The following MARCHF1 variants were observed in gnomAD, a reference collection of about 807,000 sequenced individuals.
The protein encoded by MARCHF1 is membrane associated ring-CH-type finger 1.
A neutral mutation model predicts 54.2 loss-of-function variants in MARCHF1; 40 were observed. The ratio of observed to expected loss-of-function variants is 0.74; its 90% CI spans 0.57 to 0.96. The LOEUF (loss-of-function observed/expected upper bound fraction) is 0.96, where lower values mean the gene tolerates loss of function less well. Among genes scored for constraint, MARCHF1 ranks in the 40% least tolerant of loss-of-function variants. The pLI is 0.00. For missense variants in MARCHF1, 586 were observed against 656.5 expected (o/e 0.89, Z 1.17); for synonymous variants, 236 against 236.3 (o/e 1.00, Z 0.01).
intron 8 of MARCHF1, among the ~76,000 whole-genome samples, chr4:163,558,969 T>A (rs1338717603): frequency 6.6e-6 from 1 of 152,184 alleles, no homozygotes; most frequent in Non-Finnish European, 1.5e-5. Flanking sequence ...CCCTTTTCAC[T>A]TCCTCTCCTC....
chr4:163,766,136 C>A (rs1045861946), intron 4 of MARCHF1, among the ~76,000 whole-genome samples: 3 of 151,736 alleles, frequency 2.0e-5, no homozygotes, highest in Non-Finnish European at 4.4e-5. Flanking sequence ...TAAAATACCC[C>A]TAAATGGTAT....
intron 3 of MARCHF1, among the ~76,000 whole-genome samples, chr4:163,918,613 A>G (rs1477477745): frequency 2.6e-5 from 4 of 152,158 alleles, no homozygotes; most frequent in Admixed American, 2.0e-4. Context: ...CTTTATAATT[A>G]CGAGCATTTC....
At chr4:163,562,809 A>C (rs938345044) in intron 8 of MARCHF1, among the ~76,000 whole-genome samples, 5 of 152,136 alleles carry the variant, frequency 3.3e-5, no homozygotes, top group African/African-American at 9.7e-5. Flanking sequence ...TGTTCTTCCC[A>C]GTTAATAATT....
At chr4:164,092,517 T>C (rs777232617) in intron 2 of MARCHF1, among the ~76,000 whole-genome samples, 2 of 152,122 alleles carry the variant, frequency 1.3e-5, no homozygotes, top group Non-Finnish European at 2.9e-5. Context: ...GTTTATAAGC[T>C]GTCTATTCTA....
At chr4:163,868,608 C>T (rs186180828) in intron 3 of MARCHF1, among the ~76,000 whole-genome samples, 1 of 152,002 alleles carries the variant, frequency 6.6e-6, no homozygotes, top group Admixed American at 6.6e-5. Context: ...TATACCCATA[C>T]ATACAAATGT....
intron 2 of MARCHF1, among the ~76,000 whole-genome samples, chr4:164,087,522 G>A (rs550522959): frequency 6.6e-6 from 1 of 152,104 alleles, no homozygotes; most frequent in Non-Finnish European, 1.5e-5. Flanking sequence ...ATAGATTAGA[G>A]TAGACTCTCA....
chr4:163,791,287 T>C (rs1244528574), intron 4 of MARCHF1, among the ~76,000 whole-genome samples: 1 of 152,158 alleles, frequency 6.6e-6, no homozygotes, highest in African/African-American at 2.4e-5. Context: ...TTCTATTATA[T>C]ATGGGTTTTC....
Position 164,176,972 on chromosome 4 carries a change from CTCTCTCTCTATATATATATAT to C in MARCHF1, c.-322-65331_-322-65311del, listed in dbSNP as rs1730696310. ...TCTCTCTCTCTCTCTCTCTCTCTCT[CTCTCTCTCTATATATATATAT>C]ATATATATATATATATACAAATGAT... On this transcript the variant is annotated intron_variant, in intron 1 of 9. Transcript: ENST00000514618. 8.8e-5 allele frequency among the ~76,000 whole-genome samples: 5 copies of C among 56,834 alleles called. 1 individual carries two copies. The highest frequency in any genetic ancestry group is 1.0e-3 in the East Asian group (2 of 1,986). 37.3% of individuals were successfully genotyped at this position (56,834 alleles called of 152,430 possible). A position where few individuals can be genotyped will look rare whatever the true frequency, so the allele number is the denominator to read the frequency against.
intron 9 of MARCHF1, among the ~76,000 whole-genome samples, chr4:163,529,490 C>T (rs1296752930): frequency 2.6e-5 from 4 of 151,872 alleles, no homozygotes; most frequent in African/African-American, 9.7e-5. Context: ...CAGGTCTTCC[C>T]ACCCTCATTT....
At chr4:163,852,408 T>C (rs150513410) in intron 4 of MARCHF1, among the ~76,000 whole-genome samples, 1 of 152,206 alleles carries the variant, frequency 6.6e-6, no homozygotes, top group Non-Finnish European at 1.5e-5. Flanking sequence ...AATTTTTTCT[T>C]ACTTAAAAAT....
intron 3 of MARCHF1, among the ~76,000 whole-genome samples, chr4:163,915,917 AC>A (rs1256029862): frequency 2.0e-5 from 3 of 152,128 alleles, no homozygotes; most frequent in Non-Finnish European, 4.4e-5. Flanking sequence ...GTGGCTTGAT[AC>A]AAAAACCTTC....
intron 4 of MARCHF1, among the ~76,000 whole-genome samples, chr4:163,707,835 T>C (rs888550280): frequency 4.8e-4 from 72 of 148,832 alleles, no homozygotes; most frequent in African/African-American, 1.7e-3. Flanking sequence ...GATGGGACAG[T>C]TGTTAAGTTA....
chr4:164,103,961 C>G (rs1417710171), intron 2 of MARCHF1, among the ~76,000 whole-genome samples: 10 of 150,786 alleles, frequency 6.6e-5, no homozygotes, highest in African/African-American at 1.7e-4. Context: ...GAAATACAAA[C>G]TACCATCAGG....
At chr4:164,334,919 G>A (rs1729691399) in intron 1 of MARCHF1, among the ~76,000 whole-genome samples, 1 of 152,140 alleles carries the variant, frequency 6.6e-6, no homozygotes, top group African/African-American at 2.4e-5. Context: ...GACCTCAGAG[G>A]AGCAAGTAAC....
intron 4 of MARCHF1, among the ~76,000 whole-genome samples, chr4:163,780,330 G>T (rs1394818399): frequency 6.6e-6 from 1 of 152,192 alleles, no homozygotes; most frequent in East Asian, 1.9e-4. Flanking sequence ...CTCTTTGCCA[G>T]GACAGGAATC....
At chr4:163,948,852 G>C (rs966495886) in intron 3 of MARCHF1, among the ~76,000 whole-genome samples, 1 of 152,202 alleles carries the variant, frequency 6.6e-6, no homozygotes, top group Non-Finnish European at 1.5e-5. Flanking sequence ...GCTTTAAAAA[G>C]ACAATGATTA....
At chr4:164,294,571 A>C (rs1734365857) in intron 1 of MARCHF1, among the ~76,000 whole-genome samples, 1 of 152,142 alleles carries the variant, frequency 6.6e-6, no homozygotes, top group Non-Finnish European at 1.5e-5. Flanking sequence ...CTCGTTTACA[A>C]CCATTTTCTT....
At chr4:164,137,296 C>A (rs1756422439) in intron 1 of MARCHF1, among the ~76,000 whole-genome samples, 1 of 152,162 alleles carries the variant, frequency 6.6e-6, no homozygotes, top group Non-Finnish European at 1.5e-5. Flanking sequence ...AACAGACAGC[C>A]TTGTTACTTA....
chr4:163,684,187 AAGG>A (rs1561017779), intron 5 of MARCHF1, among the ~76,000 whole-genome samples: 1 of 152,190 alleles, frequency 6.6e-6, no homozygotes, highest in Admixed American at 6.5e-5. Context: ...GCCTAGTTTC[AAGG>A]AGAAGGGAAC....
Sources: gnomAD v4.1 joint callset for allele counts (sites outside exome capture counted in the v4.1 genomes callset) on GRCh38, gnomAD v4.1.1 for gene constraint, MANE v1.5 for transcripts, NCBI Gene and HGNC (gene_info 2026-07-23, HGNC 2026-07-21) for gene names.